Variants in WDFY1 observed in about 807,000 individuals in gnomAD.
The protein encoded by WDFY1 is WD repeat and FYVE domain-containing protein 1.
WDFY1 carries 32 observed loss-of-function variants against 56.4 expected under a neutral mutation model. The ratio of observed to expected loss-of-function variants is 0.57; its 90% confidence interval spans 0.43 to 0.76. WDFY1 has a LOEUF of 0.76. WDFY1 is among the 30% of genes least tolerant of loss of function. The pLI is 0.00. For synonymous variants in WDFY1, 192 were observed against 197.3 expected, an observed-to-expected ratio of 0.97 and a Z score of 0.23; for missense variants, 480 against 545.7, an observed-to-expected ratio of 0.88 and a Z score of 1.20.
At chr2:223,879,030 T>C (rs1014425785) in intron 11 of WDFY1, among the ~76,000 whole-genome samples, 1 of 151,654 alleles carries the variant, frequency 6.6e-6, no homozygotes, top group African/African-American at 2.4e-5. Context: ...CCAAAAAAAA[T>C]ACAGAAATTA....
chr2:223,932,248 G>A (rs1333963614), intron 1 of WDFY1, among the ~76,000 whole-genome samples: 6 of 147,274 alleles, frequency 4.1e-5, no homozygotes, highest in Admixed American at 2.1e-4. Context: ...TCAGCCTCCC[G>A]AGCAGCTGGG....
chr2:223,939,144 C>T (rs528767987), intron 1 of WDFY1, among the ~76,000 whole-genome samples: 33 of 152,310 alleles, frequency 2.2e-4, no homozygotes, highest in Admixed American at 7.8e-4. Context: ...TCAGCATCAA[C>T]GTCACCTGGA....
At chr2:223,897,363 TATATATATATATATATA>T (rs1362925146) in intron 6 of WDFY1, among the ~76,000 whole-genome samples, 2 of 26,434 alleles carry the variant, frequency 7.6e-5, no homozygotes, top group Admixed American at 7.9e-4. Flanking sequence ...TATATATATA[TATATATATATATATATA>T]TATATATATA....
chr2:223,914,477 TATG>T (rs1271851239), intron 2 of WDFY1, among the ~76,000 whole-genome samples: 3 of 152,234 alleles, frequency 2.0e-5, no homozygotes, highest in Admixed American at 6.5e-5. Flanking sequence ...ATATATAACT[TATG>T]ATTGCTCACA....
At chr2:223,900,947 C>T (rs1693497835) in intron 5 of WDFY1, 6 of 449,632 alleles carry the variant, frequency 1.3e-5, no homozygotes, top group Non-Finnish European at 3.9e-6. Context: ...ACCCAATTTA[C>T]AGCAAACTTA....
chr2:223,933,391 TTTCACTG>T (rs1404742369), intron 1 of WDFY1, among the ~76,000 whole-genome samples: 2 of 152,110 alleles, frequency 1.3e-5, no homozygotes, highest in Non-Finnish European at 2.9e-5. Context: ...GCTGTAATCT[TTTCACTG>T]TTAGCATAAA....
At chr2:223,895,716 T>A in intron 6 of WDFY1, 86 bp from the exon 7 acceptor site, 1 of 1,543,256 alleles carries the variant, frequency 6.5e-7, no homozygotes, top group East Asian at 2.4e-5. Context: ...ATTTGACAGC[T>A]GAAGACCAAA....
At chr2:223,893,770 C>T (rs1350542997) in intron 8 of WDFY1, among the ~76,000 whole-genome samples, 1 of 152,172 alleles carries the variant, frequency 6.6e-6, no homozygotes, top group Non-Finnish European at 1.5e-5. Flanking sequence ...TGAACTAGAA[C>T]TCAATGGGAA....
At chr2:223,918,140 A>C in intron 1 of WDFY1, 130 bp from the exon 2 acceptor site, 1 of 803,590 alleles carries the variant, frequency 1.2e-6, no homozygotes, top group Non-Finnish European at 2.0e-6. Flanking sequence ...AACTGGACAA[A>C]CTGGACAAAT....
At chr2:223,914,550 T>C (rs1185783782) in intron 2 of WDFY1, among the ~76,000 whole-genome samples, 2 of 152,210 alleles carry the variant, frequency 1.3e-5, no homozygotes, top group African/African-American at 4.8e-5. Context: ...ATTGAGTAAG[T>C]GCCACAGAGA....
In WDFY1 at chr2:223,880,182, A is replaced by G. The variant is rs767176478; in HGVS notation, c.1115T>C (p.Met372Thr). ...CAGTCCCCTGGCAATGTCCATGGAC[A>G]TGTGGGAAATGTTATGTTTTCCTTC... Reference protein sequence around the residue: ...FHEGKHNISHMSMDIARGLMV... With the variant: ...FHEGKHNISHTSMDIARGLMV... Residue 372 changes from methionine (M) to threonine (T), a missense_variant, in exon 11 of 12, where the codon ATG (methionine) becomes ACG (threonine). Transcript: ENST00000233055. 1 of 1,614,192 alleles carries G rather than the reference A, an allele frequency of 6.2e-7. No homozygotes were observed. The highest frequency in any genetic ancestry group is 8.5e-7 in the Non-Finnish European group (1 of 1,180,008).
intron 1 of WDFY1, among the ~76,000 whole-genome samples, chr2:223,926,678 GT>G (rs1052146179): frequency 6.7e-6 from 1 of 149,488 alleles, no homozygotes; most frequent in Non-Finnish European, 1.5e-5. Flanking sequence ...GTGTGTATGT[GT>G]ATTTTTGAAA....
At chr2:223,930,678 T>C (rs1203652930) in intron 1 of WDFY1, among the ~76,000 whole-genome samples, 1 of 152,200 alleles carries the variant, frequency 6.6e-6, no homozygotes, top group Non-Finnish European at 1.5e-5. Flanking sequence ...TGTGGCTGAA[T>C]GGGGTGCTAG....
chr2:223,875,749 T>C lies in WDFY1; in HGVS notation c.*2922A>G, dbSNP rs1471526432. ...TATTTGTTAAGCCTTACACTTACGA[T>C]GAGCAGATGGTTTATCACTATATAG... On this transcript the variant is annotated 3_prime_UTR_variant, in exon 12 of 12. Transcript: ENST00000233055. The C allele has an allele frequency of 6.6e-6, 1 of 152,208 alleles. No individual in the cohort carries two copies. The highest frequency in any genetic ancestry group is 2.4e-5 in the African/African-American group (1 of 41,466). 9.4% of individuals were successfully genotyped at this position (152,208 alleles called of 1,614,324 possible). A position where few individuals can be genotyped will look rare whatever the true frequency, so the allele number is the denominator to read the frequency against.
chr2:223,898,286 C>G (rs753415828), intron 6 of WDFY1, among the ~76,000 whole-genome samples: 5 of 152,194 alleles, frequency 3.3e-5, no homozygotes, highest in Non-Finnish European at 7.3e-5. Flanking sequence ...AGGTCTTGCT[C>G]AGGGGCTTAG....
chr2:223,939,094 T>G (rs1559177419), intron 1 of WDFY1, among the ~76,000 whole-genome samples: 1 of 152,168 alleles, frequency 6.6e-6, no homozygotes, highest in Non-Finnish European at 1.5e-5. Flanking sequence ...TCCTTTCTTG[T>G]AGAGCCGTGG....
intron 3 of WDFY1, among the ~76,000 whole-genome samples, chr2:223,909,937 A>T (rs1007665329): frequency 6.6e-6 from 1 of 152,190 alleles, no homozygotes; most frequent in Non-Finnish European, 1.5e-5. Flanking sequence ...ACACTTTAAC[A>T]GCTTCTCACT....
intron 8 of WDFY1, among the ~76,000 whole-genome samples, chr2:223,893,940 G>C (rs764403564): frequency 2.6e-5 from 4 of 152,206 alleles, no homozygotes; most frequent in Non-Finnish European, 5.9e-5. Context: ...CAAATCACTG[G>C]ATATGCCAGA....
chr2:223,895,131 C>T (rs1237782556), intron 7 of WDFY1, among the ~76,000 whole-genome samples: 1 of 152,148 alleles, frequency 6.6e-6, no homozygotes, highest in Non-Finnish European at 1.5e-5. Context: ...TCAACAACAG[C>T]TTAGTATCAT....
Sources: gnomAD v4.1 joint callset for allele counts (sites outside exome capture counted in the v4.1 genomes callset) on GRCh38, gnomAD v4.1.1 for gene constraint, MANE v1.5 for transcripts, NCBI Gene and HGNC (gene_info 2026-07-23, HGNC 2026-07-21) for gene names.